Variants in MYT1 observed in about 807,000 individuals in gnomAD.
MYT1 encodes the protein myelin transcription factor 1.
MYT1 carries 23 observed loss-of-function variants against 123.0 expected under a neutral mutation model. That is an observed-to-expected ratio of 0.19 (90% CI 0.13 to 0.26). The LOEUF is 0.26. Ranked by LOEUF, MYT1 falls within the 10% of genes least tolerant of loss-of-function variation. MYT1 has a pLI of 1.00. For missense variants in MYT1, 1,125 were observed against 1,472.5 expected, an observed-to-expected ratio of 0.76 and a Z score of 3.86; for synonymous variants, 518 against 575.3, an observed-to-expected ratio of 0.90 and a Z score of 1.43.
At chr20:64,205,166 A>C in intron 5 of MYT1, 69 bp downstream of exon 5, 1 of 1,557,140 alleles carries the variant, frequency 6.4e-7, no homozygotes. Flanking sequence ...CACTCTGCAG[A>C]TGGAGAACTT....
rs776610932 is a variant in MYT1 at position 64,232,390 on chromosome 20, C to T, written c.2897+5C>T. 9 of 1,612,846 alleles carry T rather than the reference C, an allele frequency of 5.6e-6. No individual in the cohort carries two copies. Among genetic ancestry groups the T allele is most frequent in the Non-Finnish European group, 6.8e-6 (8 of 1,179,858 alleles). Reference sequence around the variant, plus strand: ...GAGTTTCCTCACCCACCGGAGGTAACTGTGCCTGCAGGTCCTGCCCCTCTG... The same window carrying T: ...GAGTTTCCTCACCCACCGGAGGTAATTGTGCCTGCAGGTCCTGCCCCTCTG... On this transcript the variant is annotated splice_donor_5th_base_variant and intron_variant, in intron 19 of 22. Coordinates refer to ENST00000328439, the MANE Select transcript of MYT1 (RefSeq NM_004535.3). The surrounding 1 kb of genome is among the most constrained non-coding windows in gnomAD (Gnocchi z 6.9).
In MYT1 at chr20:64,227,491, A is replaced by G. The variant is rs41279350; in HGVS notation, c.2591+14A>G. 194,516 of 1,610,168 alleles carry G rather than the reference A, an allele frequency of 0.12. 12,487 individuals carry two copies. Among genetic ancestry groups the G allele is most frequent in the African/African-American group, 0.15 (11,463 of 74,984 alleles). On this transcript the variant is annotated intron_variant, in intron 17 of 22. Coordinates refer to ENST00000328439, the MANE Select transcript of MYT1 (RefSeq NM_004535.3). ...TTCACACCGGAGGTGAGCCTGCCAC[A>G]CCCTCAGGTCCTGGGCCCCAGGGGT...
At chr20:64,181,223 G>T (rs565550236) in intron 1 of MYT1, among the ~76,000 whole-genome samples, 1 of 151,924 alleles carries the variant, frequency 6.6e-6, no homozygotes, top group East Asian at 1.9e-4. Flanking sequence ...TTTTATTCAC[G>T]ATTATGGGCA....
chr20:64,223,463 C>A (rs1372398211), intron 16 of MYT1, 104 bp downstream of exon 16: 60 of 1,287,084 alleles, frequency 4.7e-5, no homozygotes, highest in Non-Finnish European at 6.5e-5. Flanking sequence ...GGTGCCAAGC[C>A]TCAGCTGGCC....
Position 64,218,863 on chromosome 20 carries a change from A to T in MYT1, c.1847-48A>T. 1.9e-6 allele frequency: 3 copies of T among 1,611,968 alleles called. No homozygotes were observed. The highest frequency in any genetic ancestry group is 2.5e-6 in the Non-Finnish European group (3 of 1,179,986). ...TTCCCAAAGGCCTCTTCCCCCAGGC[A>T]CAGCCCCTCCAGTAGTTATGTGAGG... is the stretch of plus-strand genomic sequence containing the variant. On this transcript the variant is annotated intron_variant, in intron 11 of 22. Coordinates refer to ENST00000328439, the MANE Select transcript of MYT1 (RefSeq NM_004535.3). The surrounding 1 kb of genome is among the most constrained non-coding windows in gnomAD (Gnocchi z 4.0).
At chr20:64,225,348 G>A (rs2009307) in intron 16 of MYT1, among the ~76,000 whole-genome samples, 67,535 of 152,068 alleles carry the variant, frequency 0.44, 15,611 homozygotes, top group African/African-American at 0.53. Context: ...TTCCCTGTCC[G>A]CACCTGGCTG....
chr20:64,184,007 A>G (rs113728004), intron 1 of MYT1, among the ~76,000 whole-genome samples: 3,353 of 152,064 alleles, frequency 0.022, 73 homozygotes, highest in South Asian at 0.079. Flanking sequence ...TTCAGTAGAG[A>G]CGGGGCTTCA....
chr20:64,166,727 G>A lies in MYT1; in HGVS notation c.-99+1988G>A, dbSNP rs368029795. The stretch of plus-strand genomic sequence containing the variant: ...ACTCCCTTGAATGCCCCTGGTGCAT[G>A]AGTGGGGAAACACTCTCTGAGATGA... On this transcript the variant is annotated intron_variant, in intron 1 of 22. Transcript: ENST00000328439. This position sits in a 1 kb window ranked among gnomAD's most constrained non-coding sequence, Gnocchi z 4.9. Among the ~76,000 whole-genome samples, 430 of 152,334 alleles carry A rather than the reference G, an allele frequency of 2.8e-3. 23 individuals carry two copies. In the South Asian group the frequency reaches 0.077, roughly 27 times the overall value.
rs146952044 is a variant in MYT1, at chr20:64,229,217, G to A, written c.2675+1246G>A. ...TTTGGTTGTTAGTACTATGAAGGTCGCACACTAAATGCTGAGGTGGATAAA... is the reference window on the plus strand; with the variant it reads ...TTTGGTTGTTAGTACTATGAAGGTCACACACTAAATGCTGAGGTGGATAAA... On this transcript the variant is annotated intron_variant, in intron 18 of 22. Transcript: ENST00000328439. Among the ~76,000 whole-genome samples the A allele has an allele frequency of 2.0e-5, 3 of 152,224 alleles. No homozygotes were observed. In the East Asian group the frequency reaches 5.8e-4, roughly 29 times the overall value.
rs148502260 is a variant in MYT1, at chr20:64,185,925, C to T, written c.-98-4138C>T. 3.1e-3 allele frequency among the ~76,000 whole-genome samples: 478 copies of T among 152,298 alleles called. No homozygotes were observed. Among genetic ancestry groups the T allele is most frequent in the Non-Finnish European group, 5.3e-3 (358 of 68,024 alleles). Reference sequence around the variant, plus strand: ...GCAGAGCACTGGCTCTCAGTGGAAGCGTCCTGTCTGGGGCCTGGGTCAGGC... The same window carrying T: ...GCAGAGCACTGGCTCTCAGTGGAAGTGTCCTGTCTGGGGCCTGGGTCAGGC... On this transcript the variant is annotated intron_variant, in intron 1 of 22. Coordinates refer to ENST00000328439, the MANE Select transcript of MYT1 (RefSeq NM_004535.3). This position sits in a 1 kb window ranked among gnomAD's most constrained non-coding sequence, Gnocchi z 4.5.
chr20:64,219,687 A>G, intron 12 of MYT1, 26 bp from the exon 13 acceptor site: 1 of 1,588,062 alleles, frequency 6.3e-7, no homozygotes, highest in Non-Finnish European at 8.6e-7. Context: ...TGGAATCGCT[A>G]ACAGATCTCA....
At chr20:64,171,237 A>G (rs747978415) in intron 1 of MYT1, among the ~76,000 whole-genome samples, 7 of 152,134 alleles carry the variant, frequency 4.6e-5, no homozygotes, top group Non-Finnish European at 7.4e-5. Context: ...CCAATTTTTA[A>G]GAGTTATGAC....
At chr20:64,170,077 G>C (rs1982204307) in intron 1 of MYT1, among the ~76,000 whole-genome samples, 1 of 151,912 alleles carries the variant, frequency 6.6e-6, no homozygotes, top group South Asian at 2.1e-4. Context: ...GACATATCTA[G>C]AGCCTGTCCC....
At position 64,192,954 on chromosome 20, in the gene MYT1, T is replaced by C. The variant is rs1983007686; in HGVS notation, c.-1+2794T>C. ...GGCTGCTTCATCAGGGTATCCATTA[T>C]GTAGCTCTAATTTTTGATTTGGGAA... On this transcript the variant is annotated intron_variant, in intron 2 of 22. Coordinates refer to ENST00000328439, the MANE Select transcript of MYT1 (RefSeq NM_004535.3). The surrounding 1 kb of genome is among the most constrained non-coding windows in gnomAD (Gnocchi z 5.3). Among the ~76,000 whole-genome samples, 2 of 152,232 alleles carry C rather than the reference T, an allele frequency of 1.3e-5. No homozygotes were observed. Among genetic ancestry groups the C allele is most frequent in the South Asian group, 4.1e-4 (2 of 4,824 alleles).
chr20:64,171,768 A>T (rs1982291652), intron 1 of MYT1, among the ~76,000 whole-genome samples: 1 of 132,300 alleles, frequency 7.6e-6, no homozygotes, highest in Non-Finnish European at 1.6e-5. Flanking sequence ...CCCAAACCCT[A>T]ACCCCTAACC....
At chr20:64,224,159 C>T (rs936893632) in intron 16 of MYT1, among the ~76,000 whole-genome samples, 4 of 152,060 alleles carry the variant, frequency 2.6e-5, no homozygotes, top group Non-Finnish European at 4.4e-5. Context: ...TCCTGGGCAC[C>T]GGGGCCGAGC....
At chr20:64,235,640 C>T (rs1467374083) in intron 19 of MYT1, among the ~76,000 whole-genome samples, 2 of 129,966 alleles carry the variant, frequency 1.5e-5, no homozygotes, top group African/African-American at 3.0e-5. Flanking sequence ...CCTGGGCTGG[C>T]CGTGGTGGGT....
rs146960877 is a variant in MYT1, at chr20:64,186,856, G to A, written c.-98-3207G>A. Among the ~76,000 whole-genome samples, 205 of 141,808 alleles carry A rather than the reference G, an allele frequency of 1.4e-3. No individual in the cohort carries two copies. The highest frequency in any genetic ancestry group is 4.2e-3 in the Middle Eastern group (1 of 236). The allele number at this position is 141,808 out of a possible 152,430, so 93.0% of individuals were successfully genotyped here. On this transcript the variant is annotated intron_variant, in intron 1 of 22. Coordinates refer to ENST00000328439, the MANE Select transcript of MYT1 (RefSeq NM_004535.3). This position sits in a 1 kb window ranked among gnomAD's most constrained non-coding sequence, Gnocchi z 4.3. ...TTCCGTGGAGAGTTTCCTGTAGCAC[G>A]TGGCTCCGGCATCCACGTTTCCGTG...
At chr20:64,210,318 G>A (rs1218814873) in intron 7 of MYT1, among the ~76,000 whole-genome samples, 2 of 152,240 alleles carry the variant, frequency 1.3e-5, no homozygotes, top group Non-Finnish European at 2.9e-5. Context: ...CAACGTGAAC[G>A]TGCGGTTCTG....
Sources: gnomAD v4.1 joint callset for allele counts (sites outside exome capture counted in the v4.1 genomes callset) on GRCh38, gnomAD v4.1.1 for gene constraint, Gnocchi (gnomAD v3.1) non-coding constraint, MANE v1.5 for transcripts, NCBI Gene and HGNC (gene_info 2026-07-23, HGNC 2026-07-21) for gene names.